The following KLF8 variants were observed in gnomAD, a reference collection of about 807,000 sequenced individuals.
KLF8 encodes the protein Krueppel-like factor 8.
A neutral mutation model predicts 18.2 loss-of-function variants in KLF8; 10 were observed. The observed-to-expected ratio is 0.55, with a 90% CI of 0.34 to 0.93. The LOEUF is 0.93. KLF8 is among the 40% of genes least tolerant of loss of function. The pLI, the probability that KLF8 is intolerant of heterozygous loss-of-function variation, is 0.02. For synonymous variants in KLF8, 109 were observed against 97.3 expected (o/e 1.12, Z -0.71); for missense variants, 264 against 277.9 (o/e 0.95, Z 0.36).
chrX:56,079,544 G>A, the KLF8 span, among the ~76,000 whole-genome samples: 1 of 111,535 alleles, frequency 9.0e-6, no homozygotes, highest in African/African-American at 3.3e-5. Context: ...CATTTGCTGA[G>A]GAGAGCTTTA....
chrX:55,937,855 C>G, the KLF8 span, among the ~76,000 whole-genome samples: 1 of 111,570 alleles, frequency 9.0e-6, no homozygotes. Flanking sequence ...GCAAAGCCTC[C>G]AACAAATATG....
the KLF8 span, among the ~76,000 whole-genome samples, chrX:55,935,885 G>C: frequency 3.6e-5 from 4 of 111,692 alleles, no homozygotes; most frequent in African/African-American, 1.3e-4. Context: ...CCAAATTCAC[G>C]ATAGTAGTTA....
chrX:56,009,460 G>A, the KLF8 span, among the ~76,000 whole-genome samples: 7 of 111,442 alleles, frequency 6.3e-5, no homozygotes, highest in Admixed American at 4.7e-4. Flanking sequence ...AAGGTCAGCA[G>A]CCTCAAAGAT....
the KLF8 span, among the ~76,000 whole-genome samples, chrX:56,192,878 A>C: frequency 8.9e-6 from 1 of 112,787 alleles, no homozygotes; most frequent in East Asian, 2.8e-4. Context: ...TTTCTATCAC[A>C]AGAAAACATT....
At chrX:56,057,734 A>G in the KLF8 span, among the ~76,000 whole-genome samples, 10 of 111,101 alleles carry the variant, frequency 9.0e-5, no homozygotes, top group East Asian at 2.3e-3. Flanking sequence ...TTAAGGTTCA[A>G]TAGTTCCTCT....
At chrX:56,261,396 G>A (rs2066881133) in intron 2 of KLF8, among the ~76,000 whole-genome samples, 1 of 111,750 alleles carries the variant, frequency 8.9e-6, no homozygotes, top group South Asian at 3.7e-4. Context: ...CTTTGATAGT[G>A]ATTGACTAGA....
At chrX:56,173,686 G>A in the KLF8 span, among the ~76,000 whole-genome samples, 1 of 111,455 alleles carries the variant, frequency 9.0e-6, no homozygotes, top group East Asian at 2.8e-4. Flanking sequence ...AAATTACCTT[G>A]GGCATTATGG....
At chrX:56,131,306 C>T in the KLF8 span, among the ~76,000 whole-genome samples, 1 of 111,967 alleles carries the variant, frequency 8.9e-6, no homozygotes, top group African/African-American at 3.2e-5. Flanking sequence ...AGAAACCTTA[C>T]AAGCTAGAAG....
chrX:56,003,113 G>A, the KLF8 span, among the ~76,000 whole-genome samples: 1 of 111,388 alleles, frequency 9.0e-6, no homozygotes, highest in Non-Finnish European at 1.9e-5. Context: ...AACTTTGGCC[G>A]GGCACAGTGG....
the KLF8 span, among the ~76,000 whole-genome samples, chrX:55,945,768 G>C: frequency 1.8e-5 from 2 of 111,182 alleles, no homozygotes; most frequent in South Asian, 3.7e-4. Flanking sequence ...ATCTCCTTAA[G>C]CTGATAAACA....
the KLF8 span, among the ~76,000 whole-genome samples, chrX:56,125,232 G>A: frequency 4.5e-5 from 5 of 111,814 alleles, no homozygotes; most frequent in Non-Finnish European, 7.5e-5. Context: ...GACATCAGAT[G>A]CAATCCTTTC....
the KLF8 span, among the ~76,000 whole-genome samples, chrX:56,015,807 G>A: frequency 1.8e-5 from 2 of 111,443 alleles, no homozygotes; most frequent in African/African-American, 6.5e-5. Flanking sequence ...TAACATAAGA[G>A]ACCCCACAGG....
chrX:56,078,485 A>G, the KLF8 span, among the ~76,000 whole-genome samples: 1 of 111,956 alleles, frequency 8.9e-6, no homozygotes, highest in Non-Finnish European at 1.9e-5. Flanking sequence ...CATCCCAGGG[A>G]TGAATCCCAC....
the KLF8 span, among the ~76,000 whole-genome samples, chrX:56,099,018 A>G: frequency 8.9e-6 from 1 of 112,058 alleles, no homozygotes; most frequent in Non-Finnish European, 1.9e-5. Context: ...TTTCTGAGTA[A>G]CAAGACATAT....
In KLF8 at chrX:56,233,358, C is replaced by T. The variant is rs2066425462; in HGVS notation, c.7+17C>T. ...ACATGGTCGGTAAGTGACTCTGGGA[C>T]TAATACCCACCCACTCCCACCTCTT... is the stretch of plus-strand genomic sequence containing the variant. On this transcript the variant is annotated intron_variant, in intron 1 of 5. Coordinates refer to ENST00000468660, the MANE Select transcript of KLF8 (RefSeq NM_007250.5). The T allele has an allele frequency of 2.7e-6, 3 of 1,121,294 alleles. No individual in the cohort carries two copies. Among genetic ancestry groups the T allele is most frequent in the African/African-American group, 3.6e-5 (2 of 56,102 alleles). The allele number at this position is 1,121,294 out of a possible 1,213,427, so 92.4% of individuals were successfully genotyped here. A position where few individuals can be genotyped will look rare whatever the true frequency, so the allele number is the denominator to read the frequency against.
the KLF8 span, among the ~76,000 whole-genome samples, chrX:56,216,453 G>A: frequency 9.0e-6 from 1 of 110,556 alleles, no homozygotes; most frequent in East Asian, 2.8e-4. Context: ...GAACTCCTGT[G>A]CTCAAGTGAT....
At chrX:56,181,419 T>C in the KLF8 span, among the ~76,000 whole-genome samples, 10 of 111,999 alleles carry the variant, frequency 8.9e-5, no homozygotes, top group East Asian at 2.8e-3. Context: ...CTTTATCCAA[T>C]TTGCCAGTCT....
chrX:56,188,880 G>T, the KLF8 span, among the ~76,000 whole-genome samples: 1 of 111,787 alleles, frequency 8.9e-6, no homozygotes, highest in African/African-American at 3.2e-5. Flanking sequence ...CAAGATGGAT[G>T]AAAGACTTAA....
At chrX:55,943,706 G>T in the KLF8 span, among the ~76,000 whole-genome samples, 1 of 112,089 alleles carries the variant, frequency 8.9e-6, no homozygotes, top group South Asian at 3.7e-4. Flanking sequence ...ATGGCTTACT[G>T]CTCTGGTTTT....
Sources: gnomAD v4.1 joint callset for allele counts (sites outside exome capture counted in the v4.1 genomes callset) on GRCh38, gnomAD v4.1.1 for gene constraint, MANE v1.5 for transcripts, NCBI Gene and HGNC (gene_info 2026-07-23, HGNC 2026-07-21) for gene names.